THBS2: variants seen among roughly 807,000 people sequenced by gnomAD.
THBS2 encodes the protein thrombospondin-2.
THBS2 carries 47 observed loss-of-function variants against 135.2 expected under a neutral mutation model. The ratio of observed to expected loss-of-function variants is 0.35; its 90% CI spans 0.28 to 0.44. The LOEUF is 0.44. THBS2 is among the 20% of genes least tolerant of loss of function. The probability of loss-of-function intolerance (pLI) is 1.00; values close to 1 mark genes in which losing one functional copy is unlikely to be tolerated. For missense variants in THBS2, 1,288 were observed against 1,603.1 expected (o/e 0.80, Z 3.36); for synonymous variants, 639 against 633.8 (o/e 1.01, Z -0.12).
Position 169,240,543 on chromosome 6 carries a change from G to GACATGT in THBS2, c.940_941insACATGT (p.Thr314delinsAsnMetSer). ...CTGCCAGCAAGCTGACATGTTCCTT[G>GACATGT]TCTTAGGAGGGCCACCAATGAGCTC... On this transcript the variant is annotated protein_altering_variant, in exon 6 of 22. Transcript: ENST00000617924. 1 of 1,613,886 alleles carries GACATGT rather than the reference G, an allele frequency of 6.2e-7. No homozygotes were observed. The highest frequency in any genetic ancestry group is 8.5e-7 in the Non-Finnish European group (1 of 1,180,018).
intron 21 of THBS2, among the ~76,000 whole-genome samples, chr6:169,218,246 T>C (rs1379863538): frequency 5.3e-5 from 7 of 132,292 alleles, no homozygotes; most frequent in Non-Finnish European, 1.1e-4. Flanking sequence ...CTGGATGAGA[T>C]GGATGGATGG....
intron 17 of THBS2, among the ~76,000 whole-genome samples, chr6:169,224,227 TG>T (rs1359805157): frequency 3.9e-5 from 6 of 152,252 alleles, no homozygotes; most frequent in Admixed American, 3.9e-4. Context: ...AGCTACCACG[TG>T]GCAGGCACAT....
chr6:169,245,433 T>G (rs1039294916), intron 4 of THBS2, among the ~76,000 whole-genome samples: 2 of 152,144 alleles, frequency 1.3e-5, no homozygotes, highest in Non-Finnish European at 2.9e-5. Flanking sequence ...GATGAGATCA[T>G]CTGTCAATGA....
Position 169,248,868 on chromosome 6 carries a change from G to A in THBS2, c.158C>T (p.Pro53Leu), listed in dbSNP as rs143142542. 5 of 1,612,354 alleles carry A rather than the reference G, an allele frequency of 3.1e-6. No homozygotes were observed. The highest frequency in any genetic ancestry group is 1.6e-4 in the Middle Eastern group (1 of 6,062). Reference sequence around the variant, plus strand: ...GTCAAAGCGCACGAAGCGGTAAGCCGGCACGCCGGGGTCGGGCCCGCGGAA... The same window carrying A: ...GTCAAAGCGCACGAAGCGGTAAGCCAGCACGCCGGGGTCGGGCCCGCGGAA... ...KQFRGPDPGV[P>L]AYRFVRFDYI... The change falls in exon 3 of 22, where the codon CCG (proline) becomes CTG (leucine). Residue 53 changes from proline (P) to leucine (L), a missense_variant. Physicochemically the swap from Pro to Leu is moderately conservative, Grantham distance 98 (BLOSUM62 -3). Transcript: ENST00000617924.
chr6:169,227,217 A>T (rs891736848), intron 15 of THBS2, among the ~76,000 whole-genome samples: 2 of 152,134 alleles, frequency 1.3e-5, no homozygotes, highest in African/African-American at 4.8e-5. Flanking sequence ...CACGAGGCGA[A>T]GTGTGGAGGA....
At position 169,216,310 on chromosome 6, in the gene THBS2, C is replaced by T. The variant is rs1211560515; in HGVS notation, c.*1512G>A. 2 of 152,098 alleles carry T rather than the reference C, an allele frequency of 1.3e-5. No individual in the cohort carries two copies. The highest frequency in any genetic ancestry group is 6.5e-5 in the Admixed American group (1 of 15,278). The allele number at this position is 152,098 out of a possible 1,614,324, so 9.4% of individuals were successfully genotyped here. The stretch of plus-strand genomic sequence containing the variant: ...TAACAGAAAGGGGAAAAAGATTTGC[C>T]CCCTATCCATCATCAGACAGACAGA... On this transcript the variant is annotated 3_prime_UTR_variant, in exon 22 of 22. Coordinates refer to ENST00000617924, the MANE Select transcript of THBS2 (RefSeq NM_003247.5).
At chr6:169,231,388 C>T (rs1416374208) in intron 13 of THBS2, among the ~76,000 whole-genome samples, 2 of 152,180 alleles carry the variant, frequency 1.3e-5, no homozygotes, top group African/African-American at 4.8e-5. Flanking sequence ...AGCACGGCCC[C>T]GCTAGCACCT....
Position 169,215,944 on chromosome 6 carries a change from G to A in THBS2, c.*1878C>T, listed in dbSNP as rs1232178552. 6.6e-6 allele frequency: 1 copy of A among 152,314 alleles called. No homozygotes were observed. Among genetic ancestry groups the A allele is most frequent in the Admixed American group, 6.6e-5 (1 of 15,246 alleles). The allele number at this position is 152,314 out of a possible 1,614,324, so 9.4% of individuals were successfully genotyped here. A position where few individuals can be genotyped will look rare whatever the true frequency, so the allele number is the denominator to read the frequency against. ...CACATGACGTTTCATCAACCTATAC[G>A]ATAAATTTGTTTAGAAAAACATAAA... is the stretch of plus-strand genomic sequence containing the variant. On this transcript the variant is annotated 3_prime_UTR_variant, in exon 22 of 22. Transcript: ENST00000617924.
chr6:169,223,813 T>C (rs1779520254), intron 17 of THBS2, among the ~76,000 whole-genome samples: 1 of 152,236 alleles, frequency 6.6e-6, no homozygotes. Context: ...CAACCTGCAT[T>C]TCCAGCTTTG....
chr6:169,219,602 C>T (rs1285204055), intron 21 of THBS2, among the ~76,000 whole-genome samples: 15 of 152,140 alleles, frequency 9.9e-5, no homozygotes, highest in Admixed American at 8.5e-4. Context: ...GCCTTGGCCT[C>T]CCAAAGGGCT....
chr6:169,229,476 G>C (rs1359427819), intron 14 of THBS2, 96 bp downstream of exon 14: 1 of 917,836 alleles, frequency 1.1e-6, no homozygotes, highest in Non-Finnish European at 1.7e-6. Context: ...GACAATGGCA[G>C]TTACGTTGAC....
rs1779958697 is a variant in THBS2, at chr6:169,234,394, C to T, written c.1651+340G>A. The T allele has an allele frequency of 3.3e-5, 8 of 243,376 alleles. No homozygotes were observed. The South Asian group carries it at 3.3e-4, about 10-fold the overall frequency. 15.1% of individuals were successfully genotyped at this position (243,376 alleles called of 1,614,324 possible). On this transcript the variant is annotated intron_variant, in intron 10 of 21. Coordinates refer to ENST00000617924, the MANE Select transcript of THBS2 (RefSeq NM_003247.5). ...CCACATTCCATGCCACACAACTACC[C>T]ACACACCACATACCATGCCACACAA...
chr6:169,232,673 C>T lies in THBS2; in HGVS notation c.1923G>A (p.Thr641=), dbSNP rs1779887775. ...GGCCGGCCTTGCGTACTTGCTTTTC[C>T]GTCTTGGCTGCTTCCAGGCCGACCC... is the stretch of plus-strand genomic sequence containing the variant. ...PVGVGLEAAK[T]EKQVCEPENP... The change falls in exon 12 of 22, where the codon ACG becomes ACA. Residue 641 remains threonine, a synonymous_variant. Transcript: ENST00000617924. 8.1e-6 allele frequency: 13 copies of T among 1,600,992 alleles called. No homozygotes were observed. Among genetic ancestry groups the T allele is most frequent in the South Asian group, 1.1e-5 (1 of 89,364 alleles).
intron 21 of THBS2, among the ~76,000 whole-genome samples, chr6:169,219,330 G>A (rs1234083997): frequency 7.8e-6 from 1 of 128,380 alleles, no homozygotes; most frequent in Non-Finnish European, 1.7e-5. Flanking sequence ...ATGGGTGGGT[G>A]TGTGGGTGGG....
intron 1 of THBS2, among the ~76,000 whole-genome samples, chr6:169,253,380 T>C (rs541221284): frequency 1.3e-5 from 2 of 152,320 alleles, no homozygotes; most frequent in African/African-American, 4.8e-5. Context: ...AATCTTCTTC[T>C]TCGGAAACTG....
At position 169,241,043 on chromosome 6, in the gene THBS2, C is replaced by A. The variant is rs1277826528; in HGVS notation, c.892-451G>T. Among the ~76,000 whole-genome samples the A allele has an allele frequency of 6.6e-6, 1 of 151,508 alleles. No homozygotes were observed. Among genetic ancestry groups the A allele is most frequent in the African/African-American group, 2.4e-5 (1 of 41,176 alleles). On this transcript the variant is annotated intron_variant, in intron 5 of 21. Coordinates refer to ENST00000617924, the MANE Select transcript of THBS2 (RefSeq NM_003247.5). The surrounding 1 kb of genome is among the most constrained non-coding windows in gnomAD (Gnocchi z 5.5). ...CCCCTCCCTGCCCCAGGCTCCTGCC[C>A]TCGCCGCCCTCCCTGCCCCGGACTC...
At position 169,217,129 on chromosome 6, in the gene THBS2, G is replaced by GTTCT. The variant is rs1305114660; in HGVS notation, c.*689_*692dup. 1 of 152,252 alleles carries GTTCT rather than the reference G, an allele frequency of 6.6e-6. No homozygotes were observed. Among genetic ancestry groups the GTTCT allele is most frequent in the African/African-American group, 2.4e-5 (1 of 41,458 alleles). 9.4% of individuals were successfully genotyped at this position (152,252 alleles called of 1,614,324 possible). Reference sequence around the variant, plus strand: ...GTCACACCCATTTGCAAGGATGTTTGTTCTTTGATGAAACTGCATCTCTAC... The same window carrying GTTCT: ...GTCACACCCATTTGCAAGGATGTTTGTTCTTTCTTTGATGAAACTGCATCTCTAC... On this transcript the variant is annotated 3_prime_UTR_variant, in exon 22 of 22. Transcript: ENST00000617924.
At chr6:169,224,064 A>G (rs574224469) in intron 17 of THBS2, among the ~76,000 whole-genome samples, 373 of 152,314 alleles carry the variant, frequency 2.4e-3, no homozygotes, top group African/African-American at 8.5e-3. Flanking sequence ...TGTCCAGTCT[A>G]TCAGTCTACG....
At chr6:169,242,954 ACCTTC>A (rs1233725588) in intron 4 of THBS2, among the ~76,000 whole-genome samples, 18 of 44,766 alleles carry the variant, frequency 4.0e-4, no homozygotes, top group East Asian at 1.3e-3. Context: ...CCACCTTCCC[ACCTTC>A]CCACTGCTCC....
Sources: gnomAD v4.1 joint callset for allele counts (sites outside exome capture counted in the v4.1 genomes callset) on GRCh38, gnomAD v4.1.1 for gene constraint, Gnocchi (gnomAD v3.1) non-coding constraint, MANE v1.5 for transcripts, NCBI Gene and HGNC (gene_info 2026-07-23, HGNC 2026-07-21) for gene names.